The following SOS1 variants were observed in gnomAD, a reference collection of about 807,000 sequenced individuals.
The protein encoded by SOS1 is son of sevenless homolog 1.
SOS1 carries 25 observed loss-of-function variants against 157.6 expected under a neutral mutation model. The ratio of observed to expected loss-of-function variants is 0.16; its 90% confidence interval spans 0.12 to 0.22. The LOEUF is 0.22. Among genes scored for constraint, SOS1 ranks in the 10% least tolerant of loss-of-function variants. SOS1 has a pLI of 1.00. For synonymous variants in SOS1, 528 were observed against 534.0 expected (o/e 0.99, Z 0.16); for missense variants, 1,237 against 1,599.1 (o/e 0.77, Z 3.86).
At chr2:39,092,513 C>T (rs1171679058) in intron 1 of SOS1, among the ~76,000 whole-genome samples, 1 of 152,170 alleles carries the variant, frequency 6.6e-6, no homozygotes, top group African/African-American at 2.4e-5. Context: ...TCACAACCTC[C>T]TTTATTTTCT....
intron 13 of SOS1, among the ~76,000 whole-genome samples, chr2:39,013,171 ATT>A (rs1295874003): frequency 1.3e-5 from 2 of 152,108 alleles, no homozygotes; most frequent in Non-Finnish European, 2.9e-5. Flanking sequence ...GCACAACGTA[ATT>A]CCCAAATGCC....
upstream of SOS1, among the ~76,000 whole-genome samples, chr2:39,122,447 TACACACACACACAC>T (rs70954783): frequency 2.8e-5 from 4 of 142,098 alleles, no homozygotes; most frequent in African/African-American, 7.8e-5. Context: ...AAAAAAAATA[TACACACACACACAC>T]ACACACACAC....
chr2:39,094,382 T>C (rs751172172), intron 1 of SOS1, among the ~76,000 whole-genome samples: 2 of 152,148 alleles, frequency 1.3e-5, no homozygotes, highest in Non-Finnish European at 2.9e-5. Flanking sequence ...GTGCAGTAGC[T>C]CACGCCTGTA....
chr2:39,013,702 A>T, intron 12 of SOS1, 139 bp from the exon 13 acceptor site: 1 of 890,552 alleles, frequency 1.1e-6, no homozygotes, highest in Non-Finnish European at 1.9e-6. Flanking sequence ...CCAAAATTCT[A>T]TGTTAAGGCT....
rs1673842117 is a variant in SOS1 at position 39,120,600 on chromosome 2, G to C, written c.-178C>G. On this transcript the variant is annotated 5_prime_UTR_variant, in exon 1 of 23. Transcript: ENST00000402219. ...GAGGGGGCTGGGGGGCGAGGCCCGC[G>C]CCTGGCCACCCACCCGACACAGGTA... 1.7e-5 allele frequency: 11 copies of C among 651,286 alleles called. No individual in the cohort carries two copies. The highest frequency in any genetic ancestry group is 2.1e-5 in the Non-Finnish European group (11 of 520,956). The allele number at this position is 651,286 out of a possible 1,614,324, so 40.3% of individuals were successfully genotyped here. A position where few individuals can be genotyped will look rare whatever the true frequency, so the allele number is the denominator to read the frequency against.
At position 39,006,545 on chromosome 2, in the gene SOS1, A is replaced by T. The variant is rs771062367; in HGVS notation, c.2674-16T>A. ...TTGGTATTTGCTATAAGGAAAAAAA[A>T]TAGGCGTAAGTTTACAAAAGGAATC... On this transcript the variant is annotated splice_polypyrimidine_tract_variant and intron_variant, in intron 16 of 22. Transcript: ENST00000402219. 5.5e-6 allele frequency: 7 copies of T among 1,273,984 alleles called. No individual in the cohort carries two copies. Among genetic ancestry groups the T allele is most frequent in the South Asian group, 1.2e-5 (1 of 83,924 alleles). The allele number at this position is 1,273,984 out of a possible 1,614,324, so 78.9% of individuals were successfully genotyped here. A position where few individuals can be genotyped will look rare whatever the true frequency, so the allele number is the denominator to read the frequency against.
chr2:39,089,912 A>C (rs1428665688), intron 1 of SOS1, among the ~76,000 whole-genome samples: 1 of 150,424 alleles, frequency 6.6e-6, no homozygotes, highest in African/African-American at 2.4e-5. Context: ...GGATCATTTG[A>C]GGTTAGGAGT....
At chr2:39,007,302 G>A (rs992185565) in intron 15 of SOS1, 109 bp from the exon 16 acceptor site, 8 of 742,560 alleles carry the variant, frequency 1.1e-5, no homozygotes, top group African/African-American at 1.8e-5. Context: ...GGTGGCGATA[G>A]TATAACTACT....
In SOS1 at chr2:39,013,875, C is replaced by T; in HGVS notation, c.2055G>A (p.Val685=). Residue 685 remains valine, a synonymous_variant, in exon 12 of 23, where the codon GTG becomes GTA. Coordinates refer to ENST00000402219, the MANE Select transcript of SOS1 (RefSeq NM_005633.4). The stretch of plus-strand genomic sequence containing the variant: ...ATTTATTTAATGCTTACCGCAGTTG[C>T]ACAGGCTGTATATATTCTTTTCTAA... The part of the protein sequence containing the change: ...KRFRKEYIQP[V]QLRVLNVCRH... 6.2e-7 allele frequency: 1 copy of T among 1,610,332 alleles called. No homozygotes were observed. The highest frequency in any genetic ancestry group is 1.3e-5 in the African/African-American group (1 of 74,904).
At chr2:39,043,672 G>C (rs930761679) in intron 6 of SOS1, among the ~76,000 whole-genome samples, 5 of 152,208 alleles carry the variant, frequency 3.3e-5, no homozygotes, top group Admixed American at 2.0e-4. Flanking sequence ...GGACTCTGCA[G>C]AGTCCTGACG....
intron 6 of SOS1, among the ~76,000 whole-genome samples, chr2:39,048,313 T>C (rs1467319144): frequency 3.9e-5 from 6 of 152,248 alleles, no homozygotes; most frequent in African/African-American, 1.4e-4. Context: ...CTCAACTGAC[T>C]GTTAACCTCT....
chr2:39,011,451 G>A (rs1338850907), intron 14 of SOS1, among the ~76,000 whole-genome samples: 1 of 151,292 alleles, frequency 6.6e-6, no homozygotes, highest in African/African-American at 2.4e-5. Flanking sequence ...TAAAGGAGGA[G>A]AGGAAAAAAA....
chr2:39,063,423 C>T (rs1371353549), intron 2 of SOS1, among the ~76,000 whole-genome samples: 4 of 152,182 alleles, frequency 2.6e-5, no homozygotes, highest in Non-Finnish European at 4.4e-5. Context: ...TTGGTATCTT[C>T]AGGCAGCAGC....
chr2:39,032,691 T>C (rs977587971), intron 8 of SOS1, among the ~76,000 whole-genome samples: 1 of 152,210 alleles, frequency 6.6e-6, no homozygotes, highest in Non-Finnish European at 1.5e-5. Context: ...CTGGGCATGA[T>C]GACTCACACC....
At chr2:39,114,970 G>A (rs961679152) in intron 1 of SOS1, among the ~76,000 whole-genome samples, 4 of 151,956 alleles carry the variant, frequency 2.6e-5, no homozygotes, top group Admixed American at 2.0e-4. Context: ...CTGACTCCTT[G>A]CTTCTCGGTC....
intron 10 of SOS1, among the ~76,000 whole-genome samples, chr2:39,016,161 CT>C (rs927623591): frequency 7.9e-5 from 12 of 152,048 alleles, no homozygotes; most frequent in Non-Finnish European, 1.6e-4. Flanking sequence ...CAGAAATATA[CT>C]TCCAATCTAT....
chr2:39,115,347 T>C (rs1342792832), intron 1 of SOS1, among the ~76,000 whole-genome samples: 1 of 151,740 alleles, frequency 6.6e-6, no homozygotes, highest in Non-Finnish European at 1.5e-5. Flanking sequence ...CTTCTTTCAT[T>C]GAGTATAATT....
intron 15 of SOS1, among the ~76,000 whole-genome samples, chr2:39,008,950 A>G (rs1669369988): frequency 7.7e-6 from 1 of 129,434 alleles, no homozygotes; most frequent in African/African-American, 2.9e-5. Flanking sequence ...TATGACTCTT[A>G]CAAGGGGTGG....
At chr2:39,066,378 G>A (rs944510108) in intron 2 of SOS1, among the ~76,000 whole-genome samples, 12 of 152,170 alleles carry the variant, frequency 7.9e-5, no homozygotes, top group African/African-American at 1.4e-4. Context: ...TTGAAGTACT[G>A]TACACTTGAA....
Sources: gnomAD v4.1 joint callset for allele counts (sites outside exome capture counted in the v4.1 genomes callset) on GRCh38, gnomAD v4.1.1 for gene constraint, MANE v1.5 for transcripts, NCBI Gene and HGNC (gene_info 2026-07-23, HGNC 2026-07-21) for gene names.